The following UGT2A2 variants were observed in gnomAD, a reference collection of about 807,000 sequenced individuals.
UGT2A2 encodes the protein UDP-glucuronosyltransferase 2A2.
UGT2A2 carries 60 observed loss-of-function variants against 50.7 expected under a neutral mutation model. That is an observed-to-expected ratio of 1.18 (90% confidence interval 0.96 to 1.47). The LOEUF is 1.47. Among genes scored for constraint, UGT2A2 ranks in the 40% most tolerant of loss-of-function variants. The pLI is 0.00. For missense variants in UGT2A2, 762 were observed against 634.0 expected (o/e 1.20, Z -2.17); for synonymous variants, 242 against 214.6 (o/e 1.13, Z -1.11).
intron 1 of UGT2A2, among the ~76,000 whole-genome samples, chr4:69,636,141 G>A (rs1380392301): frequency 2.0e-5 from 3 of 152,052 alleles, no homozygotes; most frequent in African/African-American, 4.8e-5. Flanking sequence ...AAGACATTTG[G>A]AGTTCTTCTT....
chr4:69,620,325 C>T (rs2109934745), intron 1 of UGT2A2, among the ~76,000 whole-genome samples: 1 of 141,094 alleles, frequency 7.1e-6, no homozygotes, highest in South Asian at 2.2e-4. Flanking sequence ...CACTGCCATT[C>T]CTATACACCA....
chr4:69,611,486 G>C (rs971423814), intron 1 of UGT2A2, among the ~76,000 whole-genome samples: 1 of 151,796 alleles, frequency 6.6e-6, no homozygotes, highest in East Asian at 1.9e-4. Flanking sequence ...CTATGACAAG[G>C]TTCATAATAT....
intron 1 of UGT2A2, among the ~76,000 whole-genome samples, chr4:69,627,598 A>AAAAGAAAGAAAGAAAGAAAAG (rs143064060): frequency 6.7e-6 from 1 of 149,112 alleles, no homozygotes; most frequent in South Asian, 2.1e-4. Flanking sequence ...AAGAAGAAAG[A>AAAAGAAAGAAAGAAAGAAAAG]AAAGAAAGAA....
In UGT2A2 at chr4:69,594,522, C is replaced by G. The variant is rs1560466498; in HGVS notation, c.1286G>C (p.Ser429Thr). 1 of 1,614,142 alleles carries G rather than the reference C, an allele frequency of 6.2e-7. No individual in the cohort carries two copies. Among genetic ancestry groups the G allele is most frequent in the East Asian group, 2.2e-5 (1 of 44,870 alleles). The change falls in exon 5 of 6, where the codon AGT becomes ACT. Residue 429 changes from serine to threonine, a missense_variant. By Grantham distance (58) the Ser-to-Thr change is moderately conservative (BLOSUM62 1). Transcript: ENST00000604629. ...TCTCAAAGCGCTAAGCAAATCCACA[C>G]TTGTCATTGTGTTTAGGTTCACTTC... is the stretch of plus-strand genomic sequence containing the variant. ...AVEVNLNTMT[S>T]VDLLSALRTV...
chr4:69,615,815 T>G (rs977369565), intron 1 of UGT2A2, among the ~76,000 whole-genome samples: 2 of 151,954 alleles, frequency 1.3e-5, no homozygotes, highest in East Asian at 3.9e-4. Flanking sequence ...GGTGGGAATA[T>G]AAAATTGGTG....
rs1363441365 is a variant in UGT2A2, at chr4:69,604,908, C to T, written c.743-5514G>A. 1.5e-5 allele frequency among the ~76,000 whole-genome samples: 2 copies of T among 136,530 alleles called. 1 individual carries two copies. The highest frequency in any genetic ancestry group is 3.1e-5 in the Non-Finnish European group (2 of 64,228). 89.6% of individuals were successfully genotyped at this position (136,530 alleles called of 152,430 possible). On this transcript the variant is annotated intron_variant, in intron 1 of 5. Transcript: ENST00000604629. Reference sequence around the variant, plus strand: ...TATATGCACCCAATACAGGAGCACCCAGATTCATAAAGCAAGTCCTTAGAG... The same window carrying T: ...TATATGCACCCAATACAGGAGCACCTAGATTCATAAAGCAAGTCCTTAGAG...
intron 1 of UGT2A2, among the ~76,000 whole-genome samples, chr4:69,627,513 G>C (rs1359592288): frequency 7.5e-6 from 1 of 132,574 alleles, no homozygotes; most frequent in Non-Finnish European, 1.6e-5. Flanking sequence ...GGAAGGAAAA[G>C]AAAGAAAGAA....
chr4:69,617,595 A>G (rs963991638), intron 1 of UGT2A2, among the ~76,000 whole-genome samples: 2 of 151,864 alleles, frequency 1.3e-5, no homozygotes, highest in African/African-American at 2.4e-5. Flanking sequence ...AATTAGGGCT[A>G]GTGCTATCTA....
intron 5 of UGT2A2, among the ~76,000 whole-genome samples, chr4:69,594,270 G>A (rs1250302091): frequency 1.3e-5 from 2 of 151,866 alleles, no homozygotes; most frequent in African/African-American, 2.4e-5. Flanking sequence ...CACTGCGCCC[G>A]GCCAATATTT....
chr4:69,628,061 T>G (rs1009178795), intron 1 of UGT2A2, among the ~76,000 whole-genome samples: 1 of 151,958 alleles, frequency 6.6e-6, no homozygotes, highest in Non-Finnish European at 1.5e-5. Context: ...TGGTGTTATA[T>G]CCAAGAAATT....
At chr4:69,596,991 C>T (rs890675228) in intron 2 of UGT2A2, among the ~76,000 whole-genome samples, 2 of 152,198 alleles carry the variant, frequency 1.3e-5, no homozygotes, top group Non-Finnish European at 2.9e-5. Flanking sequence ...CTTAATTTAA[C>T]CAATCAACAG....
chr4:69,605,581 A>C (rs1283204132), intron 1 of UGT2A2, among the ~76,000 whole-genome samples: 2 of 136,834 alleles, frequency 1.5e-5, no homozygotes, highest in Non-Finnish European at 1.6e-5. Context: ...TCAGAGCAGA[A>C]CTGAAGGAAA....
intron 1 of UGT2A2, among the ~76,000 whole-genome samples, chr4:69,622,175 TA>T (rs929316968): frequency 2.0e-5 from 3 of 151,606 alleles, no homozygotes; most frequent in Non-Finnish European, 2.9e-5. Flanking sequence ...TTTTTTTAAA[TA>T]AAAAATTTAA....
intron 5 of UGT2A2, among the ~76,000 whole-genome samples, chr4:69,592,189 T>C (rs1316917867): frequency 6.6e-6 from 1 of 152,088 alleles, no homozygotes; most frequent in African/African-American, 2.4e-5. Context: ...TCCATCCGAG[T>C]TTACCTTCTC....
At chr4:69,628,645 A>C (rs933528586) in intron 1 of UGT2A2, among the ~76,000 whole-genome samples, 1 of 151,000 alleles carries the variant, frequency 6.6e-6, no homozygotes, top group Non-Finnish European at 1.5e-5. Context: ...TTTTGAATTA[A>C]TACAATGGTT....
intron 1 of UGT2A2, among the ~76,000 whole-genome samples, chr4:69,631,225 G>T (rs1470261665): frequency 6.6e-6 from 1 of 152,054 alleles, no homozygotes; most frequent in African/African-American, 2.4e-5. Flanking sequence ...CTGTTTTAGT[G>T]AAATTAGTTA....
Position 69,589,363 on chromosome 4 carries a change from T to C in UGT2A2, c.*9A>G, listed in dbSNP as rs1224675475. 6.2e-7 allele frequency: 1 copy of C among 1,600,608 alleles called. No individual in the cohort carries two copies. On this transcript the variant is annotated 3_prime_UTR_variant, in exon 6 of 6. Transcript: ENST00000604629. ...CTTAAAAATATATATATTTCCTCTTTTTCTTGACCTATTCTCTTTTTTTCT... is the reference window on the plus strand; with the variant it reads ...CTTAAAAATATATATATTTCCTCTTCTTCTTGACCTATTCTCTTTTTTTCT...
intron 1 of UGT2A2, chr4:69,635,849 A>AAAAAAAAAAAAAAAAGAG (rs772370302): frequency 1.7e-5 from 2 of 118,552 alleles, no homozygotes; most frequent in African/African-American, 8.0e-5. Flanking sequence ...AAAAAAAAAA[A>AAAAAAAAAAAAAAAAGAG]AGAGAGAGAG....
At chr4:69,606,051 G>A (rs1463041356) in intron 1 of UGT2A2, among the ~76,000 whole-genome samples, 6 of 136,770 alleles carry the variant, frequency 4.4e-5, no homozygotes, top group Non-Finnish European at 7.8e-5. Context: ...GAAAAAGAGG[G>A]AATCCTCCTT....
Sources: gnomAD v4.1 joint callset for allele counts (sites outside exome capture counted in the v4.1 genomes callset) on GRCh38, gnomAD v4.1.1 for gene constraint, MANE v1.5 for transcripts, NCBI Gene and HGNC (gene_info 2026-07-23, HGNC 2026-07-21) for gene names.